MAPT: variants seen among roughly 807,000 people sequenced by gnomAD.
MAPT encodes the protein microtubule associated protein tau.
A neutral mutation model predicts 67.9 loss-of-function variants in MAPT; 34 were observed. That is an observed-to-expected ratio of 0.50 (90% CI 0.38 to 0.67). The LOEUF (loss-of-function observed/expected upper bound fraction) is 0.67. MAPT is among the 30% of genes least tolerant of loss of function. The pLI is 0.00. For synonymous variants in MAPT, 456 were observed against 464.5 expected, an observed-to-expected ratio of 0.98 and a Z score of 0.23; for missense variants, 881 against 1,115.2, an observed-to-expected ratio of 0.79 and a Z score of 2.99.
At chr17:45,900,577 C>T (rs565686683) in intron 1 of MAPT, among the ~76,000 whole-genome samples, 5 of 152,296 alleles carry the variant, frequency 3.3e-5, no homozygotes, top group East Asian at 3.9e-4. Flanking sequence ...ACCATGTCAG[C>T]GAGTCCCCAA....
At position 45,953,423 on chromosome 17, in the gene MAPT, G is replaced by A. The variant is rs140520240; in HGVS notation, c.-17-8898G>A. Among the ~76,000 whole-genome samples, 567 of 152,348 alleles carry A rather than the reference G, an allele frequency of 3.7e-3. 9 individuals carry two copies. Among genetic ancestry groups the A allele is most frequent in the East Asian group, 0.029 (152 of 5,186 alleles). On this transcript the variant is annotated intron_variant, in intron 1 of 12. Transcript: ENST00000262410. ...ATGCAGTGCAGTGACTCTTGCAACCGAGTCTAATCAGAAGGTCCATGAACC... is the reference window on the plus strand; with the variant it reads ...ATGCAGTGCAGTGACTCTTGCAACCAAGTCTAATCAGAAGGTCCATGAACC...
rs1378648878 is a variant in MAPT at position 45,990,181 on chromosome 17, T to C, written c.1605+106T>C. The C allele has an allele frequency of 5.0e-6, 5 of 1,005,072 alleles. No homozygotes were observed. In the Admixed American group the frequency reaches 9.5e-5, roughly 19 times the overall value. 62.3% of individuals were successfully genotyped at this position (1,005,072 alleles called of 1,614,324 possible). On this transcript the variant is annotated intron_variant, in intron 7 of 12. Coordinates refer to ENST00000262410, the MANE Select transcript of MAPT (RefSeq NM_001377265.1). ...CTCAAAGACCTTTCTTCAAATGAGTTCTGGCATAGAAGCACCGTGTAAAAT... is the reference window on the plus strand; with the variant it reads ...CTCAAAGACCTTTCTTCAAATGAGTCCTGGCATAGAAGCACCGTGTAAAAT...
At chr17:46,018,491 A>AT in intron 11 of MAPT, 127 bp from the exon 12 acceptor site, 1 of 796,922 alleles carries the variant, frequency 1.3e-6, no homozygotes, top group Middle Eastern at 2.2e-4. Context: ...ACCCAATCTA[A>AT]TTTTTGCTGT....
chr17:45,946,236 G>A (rs2068465782), intron 1 of MAPT, among the ~76,000 whole-genome samples: 1 of 152,062 alleles, frequency 6.6e-6, no homozygotes, highest in South Asian at 2.1e-4. Context: ...GTGGACACAG[G>A]GAGGGACAGG....
chr17:45,924,441 G>A (rs1223836498), intron 1 of MAPT, among the ~76,000 whole-genome samples: 2 of 152,170 alleles, frequency 1.3e-5, no homozygotes, highest in Admixed American at 1.3e-4. Flanking sequence ...CCATTCTCCC[G>A]GCCTCCACTC....
chr17:45,911,613 A>G (rs1004304477), intron 1 of MAPT, among the ~76,000 whole-genome samples: 1 of 151,932 alleles, frequency 6.6e-6, no homozygotes, highest in Non-Finnish European at 1.5e-5. Context: ...ATTTTTTAAA[A>G]ATTAGCTGGG....
At chr17:45,931,050 A>G (rs994450306) in intron 1 of MAPT, among the ~76,000 whole-genome samples, 1 of 152,180 alleles carries the variant, frequency 6.6e-6, no homozygotes. Flanking sequence ...TGCTGCATGA[A>G]GTTGTCCTGA....
chr17:45,921,507 A>C (rs2065714314), intron 1 of MAPT, among the ~76,000 whole-genome samples: 1 of 152,156 alleles, frequency 6.6e-6, no homozygotes, highest in Admixed American at 6.5e-5. Context: ...CTGATTACCC[A>C]GCCTGGAGGG....
chr17:45,964,334 T>TCCTAATGTATCCCTCCCC, intron 2 of MAPT, among the ~76,000 whole-genome samples: 1 of 151,042 alleles, frequency 6.6e-6, no homozygotes, highest in South Asian at 2.1e-4. Flanking sequence ...ATTAGGTATA[T>TCCTAATGTATCCCTCCCC]CTCCTAATGC....
In MAPT at chr17:45,983,470, C is replaced by G; in HGVS notation, c.891C>G (p.Arg297=). ...PGSKEEVDED[R]DVDESSPQDS... ...GCAAGGAGGAGGTGGATGAAGACCGCGACGTCGATGAGTCCTCCCCCCAAG... is the reference window on the plus strand; with the variant it reads ...GCAAGGAGGAGGTGGATGAAGACCGGGACGTCGATGAGTCCTCCCCCCAAG... The change falls in exon 5 of 13, where the codon CGC becomes CGG. Residue 297 remains arginine (R), a synonymous_variant. Transcript: ENST00000262410. 1 of 1,608,298 alleles carries G rather than the reference C, an allele frequency of 6.2e-7. No individual in the cohort carries two copies. The highest frequency in any genetic ancestry group is 8.5e-7 in the Non-Finnish European group (1 of 1,176,720).
At chr17:45,972,453 T>C (rs2071807058) in intron 3 of MAPT, among the ~76,000 whole-genome samples, 1 of 152,238 alleles carries the variant, frequency 6.6e-6, no homozygotes, top group South Asian at 2.1e-4. Context: ...TCTAGGTTAT[T>C]AGCACCTCGC....
At chr17:45,957,665 G>A (rs556533613) in intron 1 of MAPT, among the ~76,000 whole-genome samples, 19 of 152,326 alleles carry the variant, frequency 1.2e-4, no homozygotes, top group South Asian at 2.1e-4. Context: ...CCAGGGAGAC[G>A]TGGCCGTGGC....
At chr17:45,918,832 C>T (rs1464786213) in intron 1 of MAPT, among the ~76,000 whole-genome samples, 2 of 152,068 alleles carry the variant, frequency 1.3e-5, no homozygotes, top group African/African-American at 2.4e-5. Flanking sequence ...CCAAGGCCGG[C>T]GGATCACTTG....
At chr17:46,009,749 G>C (rs780813012) in intron 9 of MAPT, among the ~76,000 whole-genome samples, 3 of 152,188 alleles carry the variant, frequency 2.0e-5, no homozygotes, top group Admixed American at 6.5e-5. Context: ...CAAAACTAGA[G>C]AGACTGAAGC....
intron 12 of MAPT, among the ~76,000 whole-genome samples, chr17:46,019,246 G>C (rs889416268): frequency 2.0e-5 from 3 of 152,170 alleles, no homozygotes; most frequent in Admixed American, 2.0e-4. Flanking sequence ...GACCTCATGA[G>C]ATTTATTCAC....
rs2076776419 is a variant in MAPT at position 46,025,668 on chromosome 17, A to C, written c.*1497A>C. 6.6e-6 allele frequency: 1 copy of C among 152,342 alleles called. No homozygotes were observed. The highest frequency in any genetic ancestry group is 6.5e-5 in the Admixed American group (1 of 15,286). The allele number at this position is 152,342 out of a possible 1,614,324, so 9.4% of individuals were successfully genotyped here. The stretch of plus-strand genomic sequence containing the variant: ...GTTTCTGCCTTGTTGACATGGAGAG[A>C]GCCCTTTCCCCTGAGAAGGCCTGGC... On this transcript the variant is annotated 3_prime_UTR_variant, in exon 13 of 13. Coordinates refer to ENST00000262410, the MANE Select transcript of MAPT (RefSeq NM_001377265.1).
chr17:46,019,192 G>A (rs2076367856), intron 12 of MAPT, among the ~76,000 whole-genome samples: 1 of 152,126 alleles, frequency 6.6e-6, no homozygotes, highest in African/African-American at 2.4e-5. Flanking sequence ...ATGGCGACAG[G>A]CAAGAGAGCG....
chr17:46,021,021 C>G (rs527742854), intron 12 of MAPT, among the ~76,000 whole-genome samples: 51 of 152,314 alleles, frequency 3.3e-4, no homozygotes, highest in African/African-American at 1.2e-3. Flanking sequence ...CCTGGCCAGT[C>G]CCCGCCCTCC....
At chr17:45,993,885 CT>C in intron 8 of MAPT, 1 of 1,550,790 alleles carries the variant, frequency 6.4e-7, no homozygotes, top group Non-Finnish European at 8.7e-7. Context: ...CTGTTTAAGC[CT>C]GATGATAATA....
Sources: allele counts gnomAD v4.1 joint callset (sites outside exome capture counted in the v4.1 genomes callset), GRCh38; gene constraint gnomAD v4.1.1; transcripts MANE v1.5; gene names NCBI Gene and HGNC (gene_info 2026-07-23, HGNC 2026-07-21).